Variants in STK3 observed in about 807,000 individuals in gnomAD.
STK3 encodes the protein serine/threonine kinase 3, also known as serine/threonine-protein kinase 3.
In STK3, 41 loss-of-function variants were observed where a neutral mutation model predicts 58.0. The ratio of observed to expected loss-of-function variants is 0.71; its 90% CI spans 0.55 to 0.92. The LOEUF is 0.92. Ranked by LOEUF, STK3 falls within the 40% of genes least tolerant of loss-of-function variation. STK3 has a pLI of 0.00. For synonymous variants in STK3, 170 were observed against 191.0 expected (o/e 0.89, Z 0.91); for missense variants, 479 against 602.7 (o/e 0.79, Z 2.15).
chr8:98,861,836 C>G (rs541776186), intron 3 of STK3, among the ~76,000 whole-genome samples: 2 of 152,248 alleles, frequency 1.3e-5, no homozygotes, highest in Admixed American at 1.3e-4. Context: ...GCATTCACAG[C>G]CTTGTGAACC....
intron 10 of STK3, among the ~76,000 whole-genome samples, chr8:98,504,999 C>G (rs1349481746): frequency 6.6e-6 from 1 of 152,134 alleles, no homozygotes; most frequent in East Asian, 1.9e-4. Flanking sequence ...CAATTTGGTT[C>G]CATTCTCCCC....
intron 10 of STK3, among the ~76,000 whole-genome samples, chr8:98,470,414 G>A (rs1458173540): frequency 6.6e-6 from 1 of 152,186 alleles, no homozygotes; most frequent in Non-Finnish European, 1.5e-5. Flanking sequence ...CCCCAGTTGT[G>A]AGAGACAGTC....
chr8:98,828,437 C>CAAAAAAAAAAA (rs367737626), upstream of STK3, among the ~76,000 whole-genome samples: 87 of 48,598 alleles, frequency 1.8e-3, no homozygotes, highest in East Asian at 3.3e-3. Flanking sequence ...CCCATCTCTA[C>CAAAAAAAAAAA]AAAAAAAAAA....
At chr8:98,577,600 G>A (rs577396788) in intron 8 of STK3, among the ~76,000 whole-genome samples, 2 of 152,176 alleles carry the variant, frequency 1.3e-5, no homozygotes, top group Admixed American at 1.3e-4. Flanking sequence ...CTCTCTCTTG[G>A]ACCACTCACT....
intron 10 of STK3, among the ~76,000 whole-genome samples, chr8:98,514,055 C>T (rs1824733741): frequency 6.6e-6 from 1 of 152,150 alleles, no homozygotes; most frequent in African/African-American, 2.4e-5. Flanking sequence ...CTTCAGATAA[C>T]CACGTTCACT....
At chr8:98,621,525 G>C (rs1818319161) in intron 6 of STK3, among the ~76,000 whole-genome samples, 1 of 152,144 alleles carries the variant, frequency 6.6e-6, no homozygotes, top group Non-Finnish European at 1.5e-5. Flanking sequence ...TATGATGTTA[G>C]CTGAAAGGTT....
intron 10 of STK3, among the ~76,000 whole-genome samples, chr8:98,482,757 A>C (rs1221253860): frequency 2.6e-5 from 4 of 152,136 alleles, no homozygotes; most frequent in African/African-American, 9.7e-5. Context: ...TGGTGAGTCA[A>C]TTATTCCCTG....
chr8:98,416,582 G>T (rs1395036384), intron 3 of STK3, among the ~76,000 whole-genome samples: 1 of 152,196 alleles, frequency 6.6e-6, no homozygotes, highest in Non-Finnish European at 1.5e-5. Flanking sequence ...AGGAGAGGAG[G>T]TGCTTCCAGC....
At chr8:98,387,940 T>C (rs1273012423) in intron 1 of STK3, among the ~76,000 whole-genome samples, 2 of 148,716 alleles carry the variant, frequency 1.3e-5, no homozygotes, top group African/African-American at 5.0e-5. Context: ...CCAAGAAAGA[T>C]AGCAAAGACT....
chr8:98,612,705 A>T (rs913726512), intron 6 of STK3, among the ~76,000 whole-genome samples: 5 of 152,180 alleles, frequency 3.3e-5, no homozygotes, highest in Admixed American at 1.3e-4. Flanking sequence ...GGAAAGAAGA[A>T]AACTTTAGGC....
At chr8:98,564,457 G>A (rs188270667) in intron 8 of STK3, among the ~76,000 whole-genome samples, 1 of 152,196 alleles carries the variant, frequency 6.6e-6, no homozygotes, top group East Asian at 1.9e-4. Context: ...TAGAAATGGT[G>A]GTTTCCAGAG....
chr8:98,646,411 T>C (rs1035656484), intron 6 of STK3, among the ~76,000 whole-genome samples: 1 of 152,232 alleles, frequency 6.6e-6, no homozygotes, highest in Non-Finnish European at 1.5e-5. Flanking sequence ...TTTAATTGTA[T>C]TTTATCTATT....
intron 1 of STK3, among the ~76,000 whole-genome samples, chr8:98,447,242 T>C (rs1256006172): frequency 6.6e-6 from 1 of 151,620 alleles, no homozygotes; most frequent in Non-Finnish European, 1.5e-5. Flanking sequence ...AAACCTAAAA[T>C]AGAAGGTTAA....
At chr8:98,427,836 C>G in intron 3 of STK3, 1 of 658,308 alleles carries the variant, frequency 1.5e-6, no homozygotes, top group Admixed American at 2.9e-5. Flanking sequence ...CTTCAGCACC[C>G]AAGACCCACC....
At chr8:98,493,132 T>C (rs1473032707) in intron 10 of STK3, among the ~76,000 whole-genome samples, 1 of 149,240 alleles carries the variant, frequency 6.7e-6, no homozygotes, top group Non-Finnish European at 1.5e-5. Context: ...CTTGGGAGGA[T>C]GAGGCAGGAG....
At chr8:98,417,772 T>C (rs980534080) in intron 3 of STK3, among the ~76,000 whole-genome samples, 39 of 152,312 alleles carry the variant, frequency 2.6e-4, no homozygotes, top group African/African-American at 8.9e-4. Context: ...GCTTTTGTTA[T>C]TATTACAAAG....
chr8:98,916,940 A>G (rs1219077516), intron 1 of STK3, among the ~76,000 whole-genome samples: 1 of 152,200 alleles, frequency 6.6e-6, no homozygotes, highest in African/African-American at 2.4e-5. Context: ...GTCCTGAGCA[A>G]TGGGAAAGAG....
chr8:98,539,490 C>T (rs114488091), intron 9 of STK3, among the ~76,000 whole-genome samples: 1,656 of 152,066 alleles, frequency 0.011, 25 homozygotes, highest in African/African-American at 0.037. Context: ...GTATCGTTTC[C>T]AGAGTAACTC....
chr8:98,742,410 T>C lies in STK3; in HGVS notation c.351+6866A>G, dbSNP rs890080308. Among the ~76,000 whole-genome samples the C allele has an allele frequency of 3.2e-5, 4 of 124,882 alleles. 1 individual carries two copies. The highest frequency in any genetic ancestry group is 1.2e-4 in the African/African-American group (4 of 32,740). 81.9% of individuals were successfully genotyped at this position (124,882 alleles called of 152,430 possible). Reference sequence around the variant, plus strand: ...GACCAAGTGGGATTCATCCCTGGGATGCAAGGCTGGTTCAACATACGCAAA... The same window carrying C: ...GACCAAGTGGGATTCATCCCTGGGACGCAAGGCTGGTTCAACATACGCAAA... On this transcript the variant is annotated intron_variant, in intron 4 of 10. Coordinates refer to ENST00000419617, the MANE Select transcript of STK3 (RefSeq NM_006281.4).
Sources: allele counts gnomAD v4.1 joint callset (sites outside exome capture counted in the v4.1 genomes callset), GRCh38; gene constraint gnomAD v4.1.1; transcripts MANE v1.5; gene names NCBI Gene and HGNC (gene_info 2026-07-23, HGNC 2026-07-21).